SLC4A7: variants seen among roughly 807,000 people sequenced by gnomAD.
SLC4A7 encodes the protein solute carrier family 4 member 7.
A neutral mutation model predicts 137.6 loss-of-function variants in SLC4A7; 51 were observed. The observed-to-expected ratio is 0.37, with a 90% CI of 0.30 to 0.47. The LOEUF is 0.47. Ranked by LOEUF, SLC4A7 falls within the 20% of genes least tolerant of loss-of-function variation. SLC4A7 has a pLI of 1.00. For synonymous variants in SLC4A7, 542 were observed against 518.6 expected (o/e 1.05, Z -0.61); for missense variants, 1,247 against 1,525.4 (o/e 0.82, Z 3.04).
intron 16 of SLC4A7, 70 bp from the exon 17 acceptor site, chr3:27,398,423 A>T (rs2052416220): frequency 7.5e-7 from 1 of 1,340,872 alleles, no homozygotes; most frequent in Non-Finnish European, 1.0e-6. Context: ...TATGAGCTTC[A>T]TTGACTCGTA....
intron 1 of SLC4A7, among the ~76,000 whole-genome samples, chr3:27,454,439 C>A (rs1371604758): frequency 6.6e-6 from 1 of 152,178 alleles, no homozygotes; most frequent in African/African-American, 2.4e-5. Flanking sequence ...TTACCCCAGC[C>A]TGGGAGACAA....
At chr3:27,451,616 G>C (rs1254168810) in intron 2 of SLC4A7, among the ~76,000 whole-genome samples, 1 of 152,068 alleles carries the variant, frequency 6.6e-6, no homozygotes, top group Non-Finnish European at 1.5e-5. Context: ...GTATAGATTA[G>C]GAGACTGAGG....
intron 1 of SLC4A7, among the ~76,000 whole-genome samples, chr3:27,455,090 G>A (rs1469366754): frequency 6.6e-6 from 1 of 150,498 alleles, no homozygotes; most frequent in East Asian, 1.9e-4. Flanking sequence ...TCTTGGGCAA[G>A]AGAAAGTTCA....
At chr3:27,378,741 GTTT>G (rs1229641184) in intron 25 of SLC4A7, among the ~76,000 whole-genome samples, 1 of 152,060 alleles carries the variant, frequency 6.6e-6, no homozygotes, top group African/African-American at 2.4e-5. Flanking sequence ...AACAACTTGT[GTTT>G]TTCTCTTTTC....
At chr3:27,477,603 G>T (rs947723604) in intron 1 of SLC4A7, among the ~76,000 whole-genome samples, 1 of 152,060 alleles carries the variant, frequency 6.6e-6, no homozygotes, top group Non-Finnish European at 1.5e-5. Flanking sequence ...TGTATTATAA[G>T]GTTTCTCAGA....
intron 1 of SLC4A7, among the ~76,000 whole-genome samples, chr3:27,463,483 T>C (rs1446257162): frequency 6.6e-6 from 1 of 151,836 alleles, no homozygotes; most frequent in Non-Finnish European, 1.5e-5. Context: ...GCGGTTGCAG[T>C]CAGCCGAGAT....
intron 3 of SLC4A7, among the ~76,000 whole-genome samples, chr3:27,447,470 T>C (rs1467272231): frequency 6.6e-6 from 1 of 152,132 alleles, no homozygotes; most frequent in Non-Finnish European, 1.5e-5. Context: ...ACAAAAACTT[T>C]CTTTTAGCAT....
intron 7 of SLC4A7, chr3:27,428,402 C>G (rs924208137): frequency 1.9e-5 from 3 of 154,336 alleles, no homozygotes; most frequent in African/African-American, 7.2e-5. Context: ...TTATCGCTGT[C>G]TCTGGAACAA....
intron 1 of SLC4A7, among the ~76,000 whole-genome samples, chr3:27,453,567 C>G (rs928647520): frequency 2.0e-5 from 3 of 152,196 alleles, no homozygotes; most frequent in African/African-American, 4.8e-5. Context: ...GAGCCAAGAT[C>G]GTGCCATTGC....
intron 3 of SLC4A7, among the ~76,000 whole-genome samples, chr3:27,446,078 G>A (rs1167808713): frequency 2.7e-5 from 4 of 146,078 alleles, no homozygotes; most frequent in Non-Finnish European, 3.0e-5. Context: ...TGAGGTTAAG[G>A]ATGTGTTAAT....
intron 1 of SLC4A7, among the ~76,000 whole-genome samples, chr3:27,478,202 GAA>G (rs35022050): frequency 0.19 from 27,380 of 147,362 alleles, 2,893 homozygotes; most frequent in Non-Finnish European, 0.26. Context: ...GAAAAATGAG[GAA>G]AAAAAAAAAG....
intron 23 of SLC4A7, among the ~76,000 whole-genome samples, chr3:27,384,593 A>T (rs1559624388): frequency 1.3e-5 from 2 of 152,202 alleles, no homozygotes. Context: ...ATTCTAATTA[A>T]TACAGAAAGT....
In SLC4A7 at chr3:27,383,135, C is replaced by T. The variant is rs372927727; in HGVS notation, c.3590+18G>A. On this transcript the variant is annotated intron_variant, in intron 24 of 25. Coordinates refer to ENST00000454389, the MANE Select transcript of SLC4A7 (RefSeq NM_001321103.2). ...TGACATGCATATAAAAGTTTTAGAG[C>T]ATAAAGTCATATCTCACCTATATTT... 351 of 1,473,852 alleles carry T rather than the reference C, an allele frequency of 2.4e-4. 4 individuals carry two copies. In the South Asian group the frequency reaches 3.9e-3, roughly 16 times the overall value. The allele number at this position is 1,473,852 out of a possible 1,614,324, so 91.3% of individuals were successfully genotyped here. A position where few individuals can be genotyped will look rare whatever the true frequency, so the allele number is the denominator to read the frequency against.
intron 5 of SLC4A7, among the ~76,000 whole-genome samples, chr3:27,434,726 C>A (rs1162581230): frequency 1.3e-5 from 2 of 151,960 alleles, no homozygotes; most frequent in Non-Finnish European, 2.9e-5. Flanking sequence ...TTATACATTA[C>A]TGAGGTGATT....
chr3:27,458,729 G>A (rs1401789260), intron 1 of SLC4A7, among the ~76,000 whole-genome samples: 1 of 152,208 alleles, frequency 6.6e-6, no homozygotes, highest in Non-Finnish European at 1.5e-5. Context: ...GGTGGCTCAT[G>A]CCAGTAATCC....
chr3:27,424,215 T>C (rs1297052456), intron 7 of SLC4A7, 63 bp from the exon 8 acceptor site: 3 of 791,624 alleles, frequency 3.8e-6, no homozygotes, highest in Admixed American at 2.4e-5. Flanking sequence ...CTGATTCTGC[T>C]CACATTCTGA....
At chr3:27,445,365 G>C (rs1173317002) in intron 3 of SLC4A7, among the ~76,000 whole-genome samples, 4 of 151,978 alleles carry the variant, frequency 2.6e-5, no homozygotes, top group African/African-American at 9.7e-5. Flanking sequence ...CTCTGTTTGG[G>C]TTCCCCTCCC....
intron 1 of SLC4A7, among the ~76,000 whole-genome samples, chr3:27,482,496 C>A (rs550620771): frequency 1.3e-5 from 2 of 152,168 alleles, no homozygotes; most frequent in Non-Finnish European, 2.9e-5. Context: ...GAAGGCCAGG[C>A]GCGGTGGCTC....
chr3:27,385,578 ACT>A (rs2150044433), intron 23 of SLC4A7, among the ~76,000 whole-genome samples: 1 of 152,256 alleles, frequency 6.6e-6, no homozygotes, highest in African/African-American at 2.4e-5. Flanking sequence ...TATTGCTAAA[ACT>A]CTAATTCTTC....
Sources: allele counts gnomAD v4.1 joint callset (sites outside exome capture counted in the v4.1 genomes callset), GRCh38; gene constraint gnomAD v4.1.1; transcripts MANE v1.5; gene names NCBI Gene and HGNC (gene_info 2026-07-23, HGNC 2026-07-21).